The following DST variants were observed in gnomAD, a reference collection of about 807,000 sequenced individuals.
DST encodes bullous pemphigoid antigen.
DST carries 253 observed loss-of-function variants against 875.2 expected under a neutral mutation model. The observed-to-expected ratio is 0.29, with a 90% CI of 0.26 to 0.32. The LOEUF is 0.32. Among genes scored for constraint, DST ranks in the 10% least tolerant of loss-of-function variants. DST has a pLI of 1.00. For synonymous variants in DST, 3,124 were observed against 3,197.1 expected (o/e 0.98, Z 0.77); for missense variants, 8,287 against 9,111.6 (o/e 0.91, Z 3.68).
At chr6:56,921,039 C>A in intron 2 of DST, among the ~76,000 whole-genome samples, 1 of 151,440 alleles carries the variant, frequency 6.6e-6, no homozygotes, top group African/African-American at 2.4e-5. Context: ...CCACCACGCC[C>A]AATAGAGCAG....
At chr6:56,640,872 T>C (rs2098890612) in intron 17 of DST, among the ~76,000 whole-genome samples, 1 of 152,142 alleles carries the variant, frequency 6.6e-6, no homozygotes, top group African/African-American at 2.4e-5. Context: ...GAGGAGGCAA[T>C]TGAAATCACA....
chr6:56,687,383 G>C (rs1472373145), intron 9 of DST, among the ~76,000 whole-genome samples: 3 of 152,124 alleles, frequency 2.0e-5, no homozygotes, highest in African/African-American at 7.2e-5. Flanking sequence ...TAGGAAGATT[G>C]GTGCAAAGCT....
At chr6:56,825,944 C>A (rs1199821702) in intron 4 of DST, among the ~76,000 whole-genome samples, 1 of 152,160 alleles carries the variant, frequency 6.6e-6, no homozygotes, top group Non-Finnish European at 1.5e-5. Flanking sequence ...CTTTTTTCAT[C>A]TTTGTATATG....
intron 4 of DST, among the ~76,000 whole-genome samples, chr6:56,809,447 G>T (rs2153033329): frequency 6.6e-6 from 1 of 152,116 alleles, no homozygotes; most frequent in South Asian, 2.1e-4. Flanking sequence ...CCATTTGAGT[G>T]GTAGCATAAA....
At chr6:56,897,368 A>G (rs991139923) in intron 3 of DST, among the ~76,000 whole-genome samples, 4 of 150,266 alleles carry the variant, frequency 2.7e-5, no homozygotes, top group African/African-American at 7.4e-5. Flanking sequence ...GTCTCACTCT[A>G]TTGCCAAGGC....
chr6:56,532,532 T>A, intron 63 of DST, 22 bp from the exon 64 acceptor site: 2 of 1,544,418 alleles, frequency 1.3e-6, no homozygotes, highest in Admixed American at 4.3e-5. Context: ...ACATTAAATA[T>A]AAAAAAGCAA....
In DST at chr6:56,625,247, T is replaced by C. The variant is rs369750889; in HGVS notation, c.4740A>G (p.Thr1580=). 6.2e-6 allele frequency: 10 copies of C among 1,612,144 alleles called. No individual in the cohort carries two copies. Among genetic ancestry groups the C allele is most frequent in the Non-Finnish European group, 7.6e-6 (9 of 1,178,470 alleles). ...AATCTACCATGGCCCGGTAGGTCAT[T>C]GTTTGTAATTCATAGTCCTGTATAA... is the stretch of plus-strand genomic sequence containing the variant. ...SATVKDYELQ[T]MTYRAMVDSQ... Residue 1580 remains threonine (T), a synonymous_variant, in exon 35 of 104, where the codon ACA becomes ACG. Transcript: ENST00000680361.
intron 5 of DST, among the ~76,000 whole-genome samples, chr6:56,721,571 C>T (rs943919998): frequency 1.4e-4 from 22 of 152,216 alleles, no homozygotes; most frequent in Non-Finnish European, 4.4e-5. Flanking sequence ...CCGGTCCCTC[C>T]GTTTGGGGTC....
intron 36 of DST, chr6:56,619,890 T>A (rs187935200): frequency 1.2e-6 from 2 of 1,614,190 alleles, no homozygotes; most frequent in East Asian, 2.2e-5. Flanking sequence ...AGCTCTCTCA[T>A]GTCTTGTTCA....
In DST at chr6:56,490,227, A is replaced by G. The variant is rs2152436319; in HGVS notation, c.20758-618T>C. On this transcript the variant is annotated intron_variant, in intron 85 of 103. Coordinates refer to ENST00000680361, the MANE Select transcript of DST (RefSeq NM_001374736.1). ...GGTTTTATATGACTGAGCAGCCACA[A>G]TATTTGGGTTCTAACACAATGTTAT... Among the ~76,000 whole-genome samples, 3 of 152,268 alleles carry G rather than the reference A, an allele frequency of 2.0e-5. No homozygotes were observed. In the South Asian group the frequency reaches 6.2e-4, roughly 32 times the overall value.
At position 56,529,716 on chromosome 6, in the gene DST, C is replaced by A. The variant is rs995585881; in HGVS notation, c.17327G>T (p.Gly5776Val). 6.8e-6 allele frequency: 11 copies of A among 1,612,498 alleles called. No individual in the cohort carries two copies. Among genetic ancestry groups the A allele is most frequent in the Non-Finnish European group, 9.3e-6 (11 of 1,179,330 alleles). Residue 5776 changes from glycine to valine, a missense_variant, in exon 66 of 104, where the codon GGC becomes GTC. By Grantham distance (109) the Gly-to-Val change is moderately radical. Transcript: ENST00000680361. Reference protein sequence around the residue: ...NKHLHQAVSIGQSLKVLSSRE... With the variant: ...NKHLHQAVSIVQSLKVLSSRE... ...GGAGCTCAAAACCTTTAAGGACTGG[C>A]CAATGCTAACAGCCTGGTGTAAATG... is the stretch of plus-strand genomic sequence containing the variant.
At chr6:56,623,719 CATTCTACT>C (rs2098709759) in intron 36 of DST, among the ~76,000 whole-genome samples, 1 of 152,098 alleles carries the variant, frequency 6.6e-6, no homozygotes, top group Non-Finnish European at 1.5e-5. Flanking sequence ...TTTCAACATT[CATTCTACT>C]ATTTTTGTCT....
intron 60 of DST, among the ~76,000 whole-genome samples, chr6:56,554,761 G>T: frequency 6.6e-6 from 1 of 152,146 alleles, no homozygotes; most frequent in East Asian, 1.9e-4. Flanking sequence ...CAAGAAACTA[G>T]AAACTTTTCA....
chr6:56,523,025 T>A (rs2096735957), intron 69 of DST, among the ~76,000 whole-genome samples: 1 of 152,172 alleles, frequency 6.6e-6, no homozygotes, highest in Non-Finnish European at 1.5e-5. Context: ...ATAACTCAGA[T>A]AATGGCATGT....
At chr6:56,573,122 G>A in intron 51 of DST, 58 bp from the exon 52 acceptor site, 1 of 1,389,524 alleles carries the variant, frequency 7.2e-7, no homozygotes, top group African/African-American at 1.5e-5. Flanking sequence ...TAATGTGACA[G>A]AATTTTTTTA....
At chr6:56,619,391 T>C (rs1472181829) in intron 36 of DST, 6 of 1,613,552 alleles carry the variant, frequency 3.7e-6, no homozygotes, top group Non-Finnish European at 5.1e-6. Flanking sequence ...ATTTTCTTTT[T>C]CAGCTTTGAT....
In DST at chr6:56,607,708, A is replaced by G; in HGVS notation, c.6920T>C (p.Met2307Thr). ...TTCACTATTGATAACAGTATTTCTC[A>G]TTTCATTAAATTCTTCATCTATAGC... ...KCAIDEEFNE[M>T]RNTVINSEFS... is the part of the protein sequence containing the mutation. Residue 2307 changes from methionine to threonine, a missense_variant, in exon 40 of 104, where the codon ATG becomes ACG. Met to Thr is a moderately conservative substitution (Grantham distance 81). Transcript: ENST00000680361. 6.2e-7 allele frequency: 1 copy of G among 1,613,428 alleles called. No individual in the cohort carries two copies. The highest frequency in any genetic ancestry group is 8.5e-7 in the Non-Finnish European group (1 of 1,179,658).
At chr6:56,616,490 C>T (rs757434888) in intron 36 of DST, 1 of 1,614,052 alleles carries the variant, frequency 6.2e-7, no homozygotes, top group Admixed American at 1.7e-5. Context: ...GGAAATGTTC[C>T]TCTCCCCAAA....
intron 4 of DST, among the ~76,000 whole-genome samples, chr6:56,781,133 T>A (rs770687393): frequency 6.6e-6 from 1 of 152,216 alleles, no homozygotes; most frequent in South Asian, 2.1e-4. Context: ...TGTAGCCTTG[T>A]AGTATTGTTT....
Sources: allele counts gnomAD v4.1 joint callset (sites outside exome capture counted in the v4.1 genomes callset), GRCh38; gene constraint gnomAD v4.1.1; transcripts MANE v1.5; gene names NCBI Gene and HGNC (gene_info 2026-07-23, HGNC 2026-07-21).